The following SEMA3A variants were observed in gnomAD, a reference collection of about 807,000 sequenced individuals.
The protein encoded by SEMA3A is semaphorin 3A.
In SEMA3A, 29 loss-of-function variants were observed where a neutral mutation model predicts 97.9. That is an observed-to-expected ratio of 0.30 (90% CI 0.22 to 0.40). SEMA3A has a LOEUF of 0.40. Among genes scored for constraint, SEMA3A ranks in the 10% least tolerant of loss-of-function variants. The pLI, the probability that SEMA3A is intolerant of heterozygous loss-of-function variation, is 1.00. For synonymous variants in SEMA3A, 321 were observed against 323.7 expected (o/e 0.99, Z 0.09); for missense variants, 763 against 951.3 (o/e 0.80, Z 2.60).
Position 84,280,986 on chromosome 7 carries a change from C to T in SEMA3A, c.-83+26221G>A, listed in dbSNP as rs181550836. On this transcript the variant is annotated intron_variant, in intron 3 of 3. Coordinates refer to the SEMA3A transcript ENST00000424555. The stretch of plus-strand genomic sequence containing the variant: ...ACTTACTGTTATAAACGATATACTT[C>T]TTTGCCCTTTTCTTTAATGCCATGG... 4.6e-3 allele frequency among the ~76,000 whole-genome samples: 697 copies of T among 152,128 alleles called. 3 individuals are homozygous for T. Among genetic ancestry groups the T allele is most frequent in the Non-Finnish European group, 6.5e-3 (439 of 67,968 alleles).
At chr7:83,998,680 T>C (rs1329637833) in intron 12 of SEMA3A, among the ~76,000 whole-genome samples, 2 of 151,308 alleles carry the variant, frequency 1.3e-5, no homozygotes, top group Non-Finnish European at 2.9e-5. Context: ...GATGCTTTTG[T>C]AAAAACATTT....
Position 84,130,145 on chromosome 7 carries a change from T to C in SEMA3A, c.271-960A>G, listed in dbSNP as rs544829322. On this transcript the variant is annotated intron_variant, in intron 2 of 16. Transcript: ENST00000265362. ...TAATATTATGAATAGTTAATTTCAG[T>C]GGGAAAAAAGTCATATATAAAAAAA... 2.0e-5 allele frequency among the ~76,000 whole-genome samples: 3 copies of C among 152,102 alleles called. No individual in the cohort carries two copies. The East Asian group carries it at 5.8e-4, about 29-fold the overall frequency.
chr7:84,368,226 T>C (rs978853809), intron 2 of SEMA3A, among the ~76,000 whole-genome samples: 1 of 151,284 alleles, frequency 6.6e-6, no homozygotes, highest in African/African-American at 2.4e-5. Flanking sequence ...ATAATGTTAG[T>C]AAATCTTGCT....
At chr7:84,056,749 T>A (rs985062373) in intron 5 of SEMA3A, among the ~76,000 whole-genome samples, 5 of 152,180 alleles carry the variant, frequency 3.3e-5, no homozygotes, top group Admixed American at 3.3e-4. Flanking sequence ...TTACTTATGT[T>A]GTTCTTTTAA....
In SEMA3A at chr7:84,289,208, GA is replaced by G. The variant is rs140490830; in HGVS notation, c.-83+17998del. On this transcript the variant is annotated intron_variant, in intron 3 of 3. Coordinates refer to the SEMA3A transcript ENST00000424555. ...GAGTAGAATAGTAATTGCCAAACTG[GA>G]AAGGGTAGGCGGGAGGACAGGATAG... is the stretch of plus-strand genomic sequence containing the variant. Among the ~76,000 whole-genome samples the G allele has an allele frequency of 6.8e-3, 1,036 of 152,178 alleles. 12 individuals carry two copies. The highest frequency in any genetic ancestry group is 0.024 in the African/African-American group (996 of 41,542).
At chr7:84,465,372 T>A (rs1805963678) in intron 1 of SEMA3A, among the ~76,000 whole-genome samples, 1 of 152,160 alleles carries the variant, frequency 6.6e-6, no homozygotes, top group Admixed American at 6.5e-5. Flanking sequence ...TGAATGAGGC[T>A]AAAGAACATT....
At chr7:83,981,178 A>G (rs923500063) in intron 14 of SEMA3A, 143 bp downstream of exon 14, 2 of 842,880 alleles carry the variant, frequency 2.4e-6, no homozygotes, top group Non-Finnish European at 3.6e-6. Context: ...AAAAAACAAA[A>G]CGCAACAATC....
At chr7:84,123,320 T>C (rs1795684786) in intron 3 of SEMA3A, among the ~76,000 whole-genome samples, 1 of 152,074 alleles carries the variant, frequency 6.6e-6, no homozygotes, top group Non-Finnish European at 1.5e-5. Context: ...ATCTCGACTG[T>C]ATTTATTTCC....
At chr7:84,065,351 T>G (rs796790413) in intron 4 of SEMA3A, among the ~76,000 whole-genome samples, 1 of 129,766 alleles carries the variant, frequency 7.7e-6, no homozygotes, top group African/African-American at 3.0e-5. Flanking sequence ...AACATCACAA[T>G]TAAAAGAACT....
At chr7:84,410,158 T>C (rs542939738) in intron 1 of SEMA3A, among the ~76,000 whole-genome samples, 12 of 152,232 alleles carry the variant, frequency 7.9e-5, no homozygotes, top group African/African-American at 2.9e-4. Context: ...TTGTTTCATC[T>C]TATGTTATGT....
At chr7:84,384,975 G>C (rs1803361197) in intron 1 of SEMA3A, among the ~76,000 whole-genome samples, 1 of 152,012 alleles carries the variant, frequency 6.6e-6, no homozygotes, top group Admixed American at 6.6e-5. Context: ...CATTGGCTGA[G>C]ATGTGAGAGC....
Position 84,452,752 on chromosome 7 carries a change from T to C in SEMA3A, c.-246+39708A>G, listed in dbSNP as rs181620756. Among the ~76,000 whole-genome samples the C allele has an allele frequency of 8.4e-4, 128 of 152,326 alleles. 1 individual carries two copies. The highest frequency in any genetic ancestry group is 3.4e-3 in the Middle Eastern group (1 of 294). The stretch of plus-strand genomic sequence containing the variant: ...AAAGACTGCACACGGCAACAACAAT[T>C]CACCTAGCTGTTTTCCTTCTAGCAA... On this transcript the variant is annotated intron_variant, in intron 1 of 3. Coordinates refer to the SEMA3A transcript ENST00000424555.
At chr7:84,296,444 A>C (rs1384532682) in intron 3 of SEMA3A, among the ~76,000 whole-genome samples, 1 of 152,190 alleles carries the variant, frequency 6.6e-6, no homozygotes, top group Non-Finnish European at 1.5e-5. Context: ...ATCCAGTAAT[A>C]AAAATTTAAA....
At chr7:84,491,811 A>C (rs974226115) in intron 1 of SEMA3A, among the ~76,000 whole-genome samples, 2 of 152,190 alleles carry the variant, frequency 1.3e-5, no homozygotes, top group African/African-American at 4.8e-5. Flanking sequence ...GTCAAAGTTG[A>C]GATTTTGTAC....
intron 1 of SEMA3A, among the ~76,000 whole-genome samples, chr7:84,172,750 A>G: frequency 6.6e-6 from 1 of 152,138 alleles, no homozygotes; most frequent in East Asian, 1.9e-4. Flanking sequence ...TAAAAGTGTA[A>G]AAACTCTTCT....
At chr7:84,068,301 A>T (rs929138391) in intron 4 of SEMA3A, among the ~76,000 whole-genome samples, 1 of 147,584 alleles carries the variant, frequency 6.8e-6, no homozygotes, top group Non-Finnish European at 1.5e-5. Flanking sequence ...GAGGGATAGC[A>T]TTGGGAGATA....
rs1363223351 is a variant in SEMA3A, at chr7:84,467,004, C to T, written c.-246+25456G>A. On this transcript the variant is annotated intron_variant, in intron 1 of 3. Coordinates refer to the SEMA3A transcript ENST00000424555. ...TTAGTGTTCAGAAATTTCCCTCATA[C>T]ATCTGCATGTGATGATTCAGTATGT... Among the ~76,000 whole-genome samples the T allele has an allele frequency of 2.0e-5, 3 of 152,182 alleles. No homozygotes were observed. In the East Asian group the frequency reaches 5.8e-4, roughly 29 times the overall value.
intron 1 of SEMA3A, among the ~76,000 whole-genome samples, chr7:84,172,068 T>C (rs1436920180): frequency 6.6e-6 from 1 of 152,174 alleles, no homozygotes; most frequent in African/African-American, 2.4e-5. Flanking sequence ...TGTCTATAAT[T>C]TGTGAGTTAA....
At chr7:84,146,246 G>A (rs1796459551) in intron 1 of SEMA3A, among the ~76,000 whole-genome samples, 1 of 152,094 alleles carries the variant, frequency 6.6e-6, no homozygotes, top group Non-Finnish European at 1.5e-5. Flanking sequence ...ATACGTGGAG[G>A]AAATGGTTAA....
Sources: gnomAD v4.1 joint callset for allele counts (sites outside exome capture counted in the v4.1 genomes callset) on GRCh38, gnomAD v4.1.1 for gene constraint, MANE v1.5 for transcripts, NCBI Gene and HGNC (gene_info 2026-07-23, HGNC 2026-07-21) for gene names.